The following SAMD12 variants were observed in gnomAD, a reference collection of about 807,000 sequenced individuals.
SAMD12 encodes the protein sterile alpha motif domain-containing protein 12.
Under a neutral mutation model 15.0 loss-of-function variants are expected in SAMD12, and 9 were observed. That is an observed-to-expected ratio of 0.60 (90% CI 0.36 to 1.05). The LOEUF (loss-of-function observed/expected upper bound fraction) is 1.05, where lower values mean the gene tolerates loss of function less well. Among genes scored for constraint, SAMD12 ranks in the 50% least tolerant of loss-of-function variants. The pLI, the probability that SAMD12 is intolerant of heterozygous loss-of-function variation, is 0.01. For missense variants in SAMD12, 230 were observed against 234.2 expected (o/e 0.98, Z 0.12); for synonymous variants, 86 against 90.1 (o/e 0.96, Z 0.25).
At chr8:118,207,018 G>A (rs1819879848) in intron 4 of SAMD12, among the ~76,000 whole-genome samples, 1 of 152,232 alleles carries the variant, frequency 6.6e-6, no homozygotes, top group Non-Finnish European at 1.5e-5. Context: ...CCACATGAAT[G>A]AAATCAGCAG....
At chr8:118,322,349 C>T (rs1279043010) in intron 4 of SAMD12, among the ~76,000 whole-genome samples, 1 of 152,344 alleles carries the variant, frequency 6.6e-6, no homozygotes, top group Middle Eastern at 3.4e-3. Context: ...ATGCCCACCA[C>T]ATAATAAGCT....
chr8:118,417,693 T>G (rs112331906), intron 3 of SAMD12, among the ~76,000 whole-genome samples: 1 of 152,008 alleles, frequency 6.6e-6, no homozygotes, highest in Non-Finnish European at 1.5e-5. Context: ...AAATTAAAGA[T>G]CCAAACCACA....
chr8:118,200,531 A>T (rs1225871524), intron 4 of SAMD12, among the ~76,000 whole-genome samples: 1 of 152,166 alleles, frequency 6.6e-6, no homozygotes, highest in Non-Finnish European at 1.5e-5. Context: ...TTAGAGGGTG[A>T]CATAGGAGGT....
chr8:118,317,808 G>A (rs1045868569), intron 4 of SAMD12, among the ~76,000 whole-genome samples: 1 of 152,080 alleles, frequency 6.6e-6, no homozygotes, highest in Admixed American at 6.6e-5. Context: ...AGAAAAGTGG[G>A]CAAGAATCCT....
At chr8:118,519,541 A>G (rs2131087568) in intron 2 of SAMD12, among the ~76,000 whole-genome samples, 1 of 152,368 alleles carries the variant, frequency 6.6e-6, no homozygotes, top group South Asian at 2.1e-4. Context: ...ATTCTAAAGT[A>G]CATAGAGCAT....
chr8:118,290,373 T>G (rs530281844), intron 4 of SAMD12, among the ~76,000 whole-genome samples: 2 of 152,310 alleles, frequency 1.3e-5, no homozygotes, highest in African/African-American at 4.8e-5. Context: ...TAGCCTTGAC[T>G]GTGCCTTAAA....
chr8:118,499,006 C>CTAT (rs2131034526), intron 2 of SAMD12, among the ~76,000 whole-genome samples: 1 of 152,296 alleles, frequency 6.6e-6, no homozygotes, highest in South Asian at 2.1e-4. Flanking sequence ...TTGATGGAGG[C>CTAT]TATTATCTGT....
intron 4 of SAMD12, among the ~76,000 whole-genome samples, chr8:118,324,761 GGGAC>G (rs1483547148): frequency 6.6e-6 from 1 of 152,168 alleles, no homozygotes; most frequent in Non-Finnish European, 1.5e-5. Context: ...TGGTGTTCAT[GGGAC>G]CGCAAGTGAT....
At chr8:118,315,037 T>C (rs920303585) in intron 4 of SAMD12, among the ~76,000 whole-genome samples, 1 of 152,228 alleles carries the variant, frequency 6.6e-6, no homozygotes, top group Non-Finnish European at 1.5e-5. Context: ...TTACCTAGTG[T>C]CTTCCTACTC....
chr8:118,471,395 G>A (rs1162492048), intron 2 of SAMD12, among the ~76,000 whole-genome samples: 1 of 152,168 alleles, frequency 6.6e-6, no homozygotes, highest in African/African-American at 2.4e-5. Context: ...CAATTTCATC[G>A]TGTACTCCAT....
At chr8:118,297,296 C>T (rs1229883450) in intron 4 of SAMD12, among the ~76,000 whole-genome samples, 1 of 152,134 alleles carries the variant, frequency 6.6e-6, no homozygotes, top group Non-Finnish European at 1.5e-5. Flanking sequence ...TATCACTATG[C>T]AGTTGCTCTG....
chr8:118,446,484 A>G (rs1408166987), intron 2 of SAMD12, among the ~76,000 whole-genome samples: 1 of 152,112 alleles, frequency 6.6e-6, no homozygotes, highest in East Asian at 1.9e-4. Flanking sequence ...TAAAGACAAA[A>G]TGTCAATCTC....
chr8:118,542,845 T>C (rs1265994627), intron 2 of SAMD12, among the ~76,000 whole-genome samples: 1 of 152,066 alleles, frequency 6.6e-6, no homozygotes, highest in Non-Finnish European at 1.5e-5. Flanking sequence ...AGGTTGTCTA[T>C]ATTTTCCTTT....
intron 3 of SAMD12, among the ~76,000 whole-genome samples, chr8:118,386,919 G>A (rs1819993736): frequency 6.6e-6 from 1 of 152,216 alleles, no homozygotes; most frequent in Non-Finnish European, 1.5e-5. Flanking sequence ...TGGTTGGGGG[G>A]TGCCACTTTT....
intron 4 of SAMD12, among the ~76,000 whole-genome samples, chr8:118,256,821 C>CAT (rs1554618191): frequency 6.7e-5 from 10 of 148,438 alleles, no homozygotes; most frequent in Admixed American, 1.3e-4. Context: ...CACACACACA[C>CAT]GCACACATTC....
At chr8:118,431,795 A>T (rs1822427459) in intron 3 of SAMD12, among the ~76,000 whole-genome samples, 1 of 151,640 alleles carries the variant, frequency 6.6e-6, no homozygotes, top group Non-Finnish European at 1.5e-5. Flanking sequence ...ATGTGGTTCA[A>T]TGTTTGTGAT....
chr8:118,525,280 A>C (rs1310131882), intron 2 of SAMD12, among the ~76,000 whole-genome samples: 3 of 152,132 alleles, frequency 2.0e-5, no homozygotes, highest in Non-Finnish European at 4.4e-5. Flanking sequence ...TTAGTTTGTT[A>C]ACCAGGCCTT....
the SAMD12 span, among the ~76,000 whole-genome samples, chr8:118,167,097 GTCCAAGGTGAAGCA>G: frequency 1.3e-5 from 2 of 152,188 alleles, no homozygotes; most frequent in Non-Finnish European, 2.9e-5. Context: ...TGATGAGGCA[GTCCAAGGTGAAGCA>G]TCTTGAACTC....
chr8:118,216,644 GA>G (rs1011567358), intron 4 of SAMD12, among the ~76,000 whole-genome samples: 1 of 152,182 alleles, frequency 6.6e-6, no homozygotes, highest in Non-Finnish European at 1.5e-5. Flanking sequence ...AGTTGGTAGA[GA>G]AGTGAAGAAA....
Sources: gnomAD v4.1 joint callset for allele counts (sites outside exome capture counted in the v4.1 genomes callset) on GRCh38, gnomAD v4.1.1 for gene constraint, MANE v1.5 for transcripts, NCBI Gene and HGNC (gene_info 2026-07-23, HGNC 2026-07-21) for gene names.